PGCKA1: variants seen among roughly 807,000 people sequenced by gnomAD.
PGCKA1 encodes PDCD10 and GCKIII kinases-associated protein 1.
chr4:37,590,605 C>G, the PGCKA1 span: 4 of 1,614,156 alleles, frequency 2.5e-6, no homozygotes, highest in Non-Finnish European at 3.4e-6. Context: ...CTTCCAGATA[C>G]CAGCCCCAGA....
chr4:37,569,916 GC>G, the PGCKA1 span, among the ~76,000 whole-genome samples: 3 of 151,530 alleles, frequency 2.0e-5, no homozygotes, highest in Non-Finnish European at 4.4e-5. Context: ...CAGCACACTG[GC>G]TATTGAGAAT....
chr4:37,517,857 T>A, the PGCKA1 span, among the ~76,000 whole-genome samples: 1 of 152,232 alleles, frequency 6.6e-6, no homozygotes, highest in African/African-American at 2.4e-5. Context: ...TTATTCATAC[T>A]TTCTAATTTT....
the PGCKA1 span, among the ~76,000 whole-genome samples, chr4:37,543,161 C>G: frequency 6.6e-6 from 1 of 152,146 alleles, no homozygotes; most frequent in African/African-American, 2.4e-5. Flanking sequence ...GTATTTGCCT[C>G]TTTCTCTCTA....
At chr4:37,554,747 A>T in the PGCKA1 span, among the ~76,000 whole-genome samples, 81 of 152,328 alleles carry the variant, frequency 5.3e-4, no homozygotes, top group African/African-American at 1.8e-3. Flanking sequence ...GATGAATAGA[A>T]TTTTGCAAAC....
the PGCKA1 span, among the ~76,000 whole-genome samples, chr4:37,494,476 A>G: frequency 6.6e-6 from 1 of 152,158 alleles, no homozygotes; most frequent in Non-Finnish European, 1.5e-5. Flanking sequence ...TTACACTTGC[A>G]TAATATTCCA....
At chr4:37,466,682 TG>T in the PGCKA1 span, among the ~76,000 whole-genome samples, 3 of 122,960 alleles carry the variant, frequency 2.4e-5, no homozygotes, top group South Asian at 7.8e-4. Context: ...CACCAGTACC[TG>T]GTAATGGGAT....
At chr4:37,592,142 G>A in the PGCKA1 span, among the ~76,000 whole-genome samples, 2 of 151,356 alleles carry the variant, frequency 1.3e-5, no homozygotes, top group African/African-American at 2.4e-5. Context: ...CTGGGAGGTG[G>A]AGGTTGCAGT....
the PGCKA1 span, among the ~76,000 whole-genome samples, chr4:37,543,034 ATGACTTTCTCT>A: frequency 6.6e-6 from 1 of 152,124 alleles, no homozygotes; most frequent in Non-Finnish European, 1.5e-5. Context: ...ACTCTTTCTC[ATGACTTTCTCT>A]TATGACTAGA....
At chr4:37,541,239 C>T in the PGCKA1 span, among the ~76,000 whole-genome samples, 2 of 152,190 alleles carry the variant, frequency 1.3e-5, no homozygotes, top group Non-Finnish European at 2.9e-5. Flanking sequence ...CCTTTTCCAC[C>T]ACCCACAAAC....
chr4:37,486,800 T>C, the PGCKA1 span, among the ~76,000 whole-genome samples: 1 of 152,302 alleles, frequency 6.6e-6, no homozygotes, highest in African/African-American at 2.4e-5. Context: ...TGCACACACA[T>C]GCACATTGTC....
At chr4:37,493,225 GAC>G in the PGCKA1 span, among the ~76,000 whole-genome samples, 1 of 152,138 alleles carries the variant, frequency 6.6e-6, no homozygotes, top group Non-Finnish European at 1.5e-5. Flanking sequence ...GTTTCACCAA[GAC>G]ACATTTAAAT....
At chr4:37,534,190 A>T in the PGCKA1 span, among the ~76,000 whole-genome samples, 1 of 152,222 alleles carries the variant, frequency 6.6e-6, no homozygotes, top group South Asian at 2.1e-4. Context: ...ATCCAAGGTC[A>T]TTGGCATTGA....
At chr4:37,454,585 G>A in the PGCKA1 span, among the ~76,000 whole-genome samples, 1 of 152,222 alleles carries the variant, frequency 6.6e-6, no homozygotes, top group African/African-American at 2.4e-5. Flanking sequence ...TGGGGGAAGA[G>A]GTCAGGGTGC....
At chr4:37,459,199 T>G in the PGCKA1 span, among the ~76,000 whole-genome samples, 1 of 152,132 alleles carries the variant, frequency 6.6e-6, no homozygotes, top group Admixed American at 6.5e-5. Flanking sequence ...CTAAGAGAAA[T>G]ATCAAACATG....
the PGCKA1 span, among the ~76,000 whole-genome samples, chr4:37,475,744 G>T: frequency 6.6e-6 from 1 of 152,008 alleles, no homozygotes; most frequent in Non-Finnish European, 1.5e-5. Flanking sequence ...TATATATGCA[G>T]TATTACAGGA....
chr4:37,564,597 CTTGGAT>C, the PGCKA1 span, among the ~76,000 whole-genome samples: 3 of 152,020 alleles, frequency 2.0e-5, no homozygotes, highest in Non-Finnish European at 4.4e-5. Flanking sequence ...ACCTCCGCCT[CTTGGAT>C]TCAAGTGATT....
chr4:37,576,867 G>A, the PGCKA1 span, among the ~76,000 whole-genome samples: 2 of 152,076 alleles, frequency 1.3e-5, no homozygotes, highest in Non-Finnish European at 2.9e-5. Flanking sequence ...CTGTTGATAT[G>A]ATATATCACA....
the PGCKA1 span, chr4:37,590,023 G>C: frequency 2.0e-4 from 226 of 1,129,486 alleles, 1 homozygote; most frequent in East Asian, 5.3e-3. Flanking sequence ...GAAAGAAGCA[G>C]GGCCTGTGGT....
chr4:37,566,512 C>T, the PGCKA1 span, among the ~76,000 whole-genome samples: 1 of 152,114 alleles, frequency 6.6e-6, no homozygotes, highest in Non-Finnish European at 1.5e-5. Flanking sequence ...AACTCCCGAC[C>T]TCAAGTGACC....
Sources: gnomAD v4.1 joint callset for allele counts (sites outside exome capture counted in the v4.1 genomes callset) on GRCh38, gnomAD v4.1.1 for gene constraint, MANE v1.5 for transcripts, NCBI Gene and HGNC (gene_info 2026-07-23, HGNC 2026-07-21) for gene names.